MRPS28: variants seen among roughly 807,000 people sequenced by gnomAD.
MRPS28 encodes the protein small ribosomal subunit protein bS1m.
MRPS28 carries 7 observed loss-of-function variants against 10.8 expected under a neutral mutation model. The observed-to-expected ratio is 0.65, with a 90% CI of 0.37 to 1.22. The LOEUF (loss-of-function observed/expected upper bound fraction) is 1.22. MRPS28 is among the 50% of genes most tolerant of loss of function. MRPS28 has a pLI of 0.02. For synonymous variants in MRPS28, 121 were observed against 93.3 expected, an observed-to-expected ratio of 1.30 and a Z score of -1.71; for missense variants, 265 against 232.9, an observed-to-expected ratio of 1.14 and a Z score of -0.90.
chr8:80,024,027 G>A (rs182203776), intron 1 of MRPS28, among the ~76,000 whole-genome samples: 13 of 152,118 alleles, frequency 8.5e-5, no homozygotes, highest in African/African-American at 2.4e-4. Flanking sequence ...CCAGAAGTGC[G>A]AGAGCAGCCT....
At chr8:80,028,518 AAT>A (rs1327463373) in intron 1 of MRPS28, among the ~76,000 whole-genome samples, 2 of 152,000 alleles carry the variant, frequency 1.3e-5, no homozygotes, top group East Asian at 3.9e-4. Context: ...AGAATTTGTG[AAT>A]ATGTTACCTT....
In MRPS28 at chr8:79,919,106, A is replaced by T; in HGVS notation, c.438T>A (p.Asp146Glu). The change falls in exon 3 of 3, where the codon GAT (aspartate) becomes GAA (glutamate). Residue 146 changes from aspartate (D) to glutamate (E), a missense_variant. Transcript: ENST00000276585. The part of the protein sequence containing the change: ...KGTRVRLRLL[D>E]LELTSRFLGA... ...CCAGGAACCTAGACGTAAGTTCAAG[A>T]TCTAATAGCCGCAACCGGACCCTGG... 6.2e-7 allele frequency: 1 copy of T among 1,608,114 alleles called. No individual in the cohort carries two copies. The highest frequency in any genetic ancestry group is 8.5e-7 in the Non-Finnish European group (1 of 1,177,638).
At chr8:80,000,375 T>G (rs917485172) in intron 2 of MRPS28, among the ~76,000 whole-genome samples, 7 of 152,176 alleles carry the variant, frequency 4.6e-5, no homozygotes, top group African/African-American at 1.7e-4. Context: ...CAAAGAGATG[T>G]AGGCATATAA....
rs572916263 is a variant in MRPS28 at position 80,014,672 on chromosome 8, T to C, written c.214-11492A>G. Reference sequence around the variant, plus strand: ...TAAGGAATAAATGTGTGGCCATATGTAAAGCACTCAAATAGTGTCTGAAGG... The same window carrying C: ...TAAGGAATAAATGTGTGGCCATATGCAAAGCACTCAAATAGTGTCTGAAGG... On this transcript the variant is annotated intron_variant, in intron 1 of 2. Coordinates refer to ENST00000276585, the MANE Select transcript of MRPS28 (RefSeq NM_014018.3). 7.2e-5 allele frequency among the ~76,000 whole-genome samples: 11 copies of C among 152,338 alleles called. No individual in the cohort carries two copies. The South Asian group carries it at 2.3e-3, about 32-fold the overall frequency.
chr8:80,026,701 C>G (rs897191771), intron 1 of MRPS28, among the ~76,000 whole-genome samples: 1 of 152,026 alleles, frequency 6.6e-6, no homozygotes, highest in Non-Finnish European at 1.5e-5. Context: ...TCTGGCACCA[C>G]AAGTTAACAT....
chr8:79,956,979 C>A (rs908120757), intron 2 of MRPS28: 6 of 152,276 alleles, frequency 3.9e-5, no homozygotes, highest in Admixed American at 3.9e-4. Context: ...CCTAGTCCAG[C>A]TTTCTAGAGT....
chr8:79,919,562 G>A (rs1047146462), intron 2 of MRPS28, among the ~76,000 whole-genome samples: 1 of 152,126 alleles, frequency 6.6e-6, no homozygotes, highest in Non-Finnish European at 1.5e-5. Context: ...TCAAACTCCT[G>A]GCCTCTAGTG....
intron 2 of MRPS28, among the ~76,000 whole-genome samples, chr8:79,938,961 G>A (rs1806684126): frequency 6.6e-6 from 1 of 152,180 alleles, no homozygotes. Context: ...TTCCTTGGAT[G>A]TGCTGAGCTG....
At chr8:80,003,633 T>C (rs1001984374) in intron 1 of MRPS28, among the ~76,000 whole-genome samples, 5 of 152,200 alleles carry the variant, frequency 3.3e-5, no homozygotes, top group African/African-American at 1.2e-4. Flanking sequence ...TCACTGGTGC[T>C]TGTCGGACAG....
chr8:80,025,415 C>T (rs1301383768), intron 1 of MRPS28, among the ~76,000 whole-genome samples: 1 of 152,186 alleles, frequency 6.6e-6, no homozygotes, highest in Non-Finnish European at 1.5e-5. Flanking sequence ...TGTGTGTACA[C>T]TTTTACCCAA....
chr8:80,003,642 AGCGGGT>A (rs1673906761), intron 1 of MRPS28, among the ~76,000 whole-genome samples: 1 of 152,214 alleles, frequency 6.6e-6, no homozygotes, highest in Admixed American at 6.5e-5. Flanking sequence ...CTTGTCGGAC[AGCGGGT>A]GCAGGGCAGT....
At chr8:80,019,752 A>C (rs1190277640) in intron 1 of MRPS28, among the ~76,000 whole-genome samples, 2 of 152,232 alleles carry the variant, frequency 1.3e-5, no homozygotes, top group Non-Finnish European at 2.9e-5. Context: ...CAACAAGAAA[A>C]AAACCTCCTG....
At chr8:79,966,273 T>C (rs1807500230) in intron 2 of MRPS28, among the ~76,000 whole-genome samples, 1 of 152,074 alleles carries the variant, frequency 6.6e-6, no homozygotes, top group East Asian at 1.9e-4. Context: ...AGGGTCAATA[T>C]ATAATAAAAA....
chr8:80,015,593 T>A (rs551352983), intron 1 of MRPS28, among the ~76,000 whole-genome samples: 3 of 152,182 alleles, frequency 2.0e-5, no homozygotes, highest in Non-Finnish European at 2.9e-5. Context: ...TAAAGGCCGA[T>A]TGACAGCCAT....
chr8:79,984,783 G>T (rs1013133607), intron 2 of MRPS28, among the ~76,000 whole-genome samples: 8 of 152,064 alleles, frequency 5.3e-5, no homozygotes, highest in Admixed American at 3.9e-4. Flanking sequence ...AGCAAGTCCT[G>T]AGTGACCTAC....
intron 2 of MRPS28, among the ~76,000 whole-genome samples, chr8:79,940,131 A>G (rs143142723): frequency 7.2e-5 from 11 of 152,292 alleles, no homozygotes; most frequent in African/African-American, 2.6e-4. Flanking sequence ...CTGATTACTT[A>G]TATTAGGGGT....
chr8:79,948,104 C>T (rs1282640195), intron 2 of MRPS28, among the ~76,000 whole-genome samples: 2 of 151,548 alleles, frequency 1.3e-5, no homozygotes, highest in Non-Finnish European at 2.9e-5. Context: ...TCTCCTGCCT[C>T]GGCCTCCTGA....
intron 2 of MRPS28, among the ~76,000 whole-genome samples, chr8:79,920,781 G>T (rs78524193): frequency 0.79 from 120,700 of 152,120 alleles, 48,693 homozygotes; most frequent in African/African-American, 0.95. Context: ...GTGCAGAAGC[G>T]CTTTAGTTTA....
Position 79,958,658 on chromosome 8 carries a change from T to C in MRPS28, c.396-39510A>G, listed in dbSNP as rs118003054. Among the ~76,000 whole-genome samples the C allele has an allele frequency of 1.0e-2, 1,516 of 152,266 alleles. 12 individuals carry two copies. The highest frequency in any genetic ancestry group is 0.014 in the African/African-American group (600 of 41,574). ...AACACAAAGTGATTTAGCGATTTAG[T>C]GAATGACCACTGCCCTGATATTCTG... On this transcript the variant is annotated intron_variant, in intron 2 of 2. Coordinates refer to ENST00000276585, the MANE Select transcript of MRPS28 (RefSeq NM_014018.3).
Sources: gnomAD v4.1 joint callset for allele counts (sites outside exome capture counted in the v4.1 genomes callset) on GRCh38, gnomAD v4.1.1 for gene constraint, MANE v1.5 for transcripts, NCBI Gene and HGNC (gene_info 2026-07-23, HGNC 2026-07-21) for gene names.